The following ELAVL2 variants were observed in gnomAD, a reference collection of about 807,000 sequenced individuals.
ELAVL2 encodes the protein ELAV like RNA binding protein 2.
A neutral mutation model predicts 34.6 loss-of-function variants in ELAVL2; 4 were observed. That is an observed-to-expected ratio of 0.12 (90% CI 0.06 to 0.26). The LOEUF (loss-of-function observed/expected upper bound fraction) is 0.26. Among genes scored for constraint, ELAVL2 ranks in the 10% least tolerant of loss-of-function variants. The probability of loss-of-function intolerance (pLI) is 1.00; values close to 1 mark genes in which losing one functional copy is unlikely to be tolerated. For missense variants in ELAVL2, 432 were observed against 442.8 expected (o/e 0.98, Z 0.22); for synonymous variants, 193 against 154.8 (o/e 1.25, Z -1.83).
intron 2 of ELAVL2, among the ~76,000 whole-genome samples, chr9:23,759,756 ATAT>A (rs1656556130): frequency 1.7e-5 from 1 of 58,210 alleles, no homozygotes; most frequent in African/African-American, 9.1e-5. Context: ...ATATAGTATT[ATAT>A]ATATATATAT....
intron 1 of ELAVL2, among the ~76,000 whole-genome samples, chr9:23,810,361 G>T (rs1402351856): frequency 6.6e-6 from 1 of 151,960 alleles, no homozygotes; most frequent in East Asian, 1.9e-4. Flanking sequence ...CAAGTTGTGG[G>T]CATACTGCTA....
At chr9:23,824,485 A>G (rs887174025) in intron 1 of ELAVL2, among the ~76,000 whole-genome samples, 5 of 152,010 alleles carry the variant, frequency 3.3e-5, no homozygotes, top group Non-Finnish European at 7.4e-5. Context: ...GAGCAACGAG[A>G]CGTTAACCCC....
rs960938214 is a variant in ELAVL2 at position 23,791,389 on chromosome 9, C to G, written c.-15-29140G>C. On this transcript the variant is annotated intron_variant, in intron 1 of 6. Coordinates refer to ENST00000397312, the MANE Select transcript of ELAVL2 (RefSeq NM_004432.5). ...CTCGAGAAATTAAATACCCTTACCC[C>G]TGTTAGAGAACTGAAGTGTATCTCC... Among the ~76,000 whole-genome samples, 4 of 152,178 alleles carry G rather than the reference C, an allele frequency of 2.6e-5. No individual in the cohort carries two copies. In the East Asian group the frequency reaches 7.7e-4, roughly 29 times the overall value.
chr9:23,786,737 A>G lies in ELAVL2; in HGVS notation c.-15-24488T>C, dbSNP rs375234658. ...GAAGACATTAATGTTCAAAAAGTAT[A>G]TAAGCAGGAAACCTGCAGTAGTCTC... On this transcript the variant is annotated intron_variant, in intron 1 of 6. Transcript: ENST00000397312. Among the ~76,000 whole-genome samples, 5 of 150,106 alleles carry G rather than the reference A, an allele frequency of 3.3e-5. No individual in the cohort carries two copies. In the East Asian group the frequency reaches 8.0e-4, roughly 24 times the overall value.
At chr9:23,777,512 T>C (rs1207290924) in intron 1 of ELAVL2, among the ~76,000 whole-genome samples, 1 of 152,150 alleles carries the variant, frequency 6.6e-6, no homozygotes, top group Non-Finnish European at 1.5e-5. Flanking sequence ...ACATCCATCC[T>C]TTGTCAGGCT....
chr9:23,731,450 T>C (rs2046528837), intron 2 of ELAVL2, among the ~76,000 whole-genome samples: 1 of 152,158 alleles, frequency 6.6e-6, no homozygotes, highest in Non-Finnish European at 1.5e-5. Context: ...GATAAATCTC[T>C]GTGCTATGGA....
At chr9:23,817,703 C>A (rs574372848) in intron 1 of ELAVL2, among the ~76,000 whole-genome samples, 1 of 152,256 alleles carries the variant, frequency 6.6e-6, no homozygotes, top group African/African-American at 2.4e-5. Context: ...AAAAATTCTT[C>A]TAGCCTTACT....
chr9:23,780,352 T>C (rs1265798383), intron 1 of ELAVL2, among the ~76,000 whole-genome samples: 1 of 152,224 alleles, frequency 6.6e-6, no homozygotes, highest in Non-Finnish European at 1.5e-5. Flanking sequence ...AAAAAGTGTT[T>C]AGGGTTCCCC....
At chr9:23,772,952 C>G (rs533525585) in intron 1 of ELAVL2, among the ~76,000 whole-genome samples, 6 of 152,202 alleles carry the variant, frequency 3.9e-5, no homozygotes, top group Admixed American at 3.9e-4. Flanking sequence ...TCTTGCTCCC[C>G]CAAAGACAGC....
intron 2 of ELAVL2, among the ~76,000 whole-genome samples, chr9:23,755,234 A>G (rs1473765): frequency 0.031 from 4,668 of 152,262 alleles, 90 homozygotes; most frequent in East Asian, 0.085. Context: ...TGTTTTTCCT[A>G]ACAATGATAA....
chr9:23,795,458 G>C (rs140932120), intron 1 of ELAVL2, among the ~76,000 whole-genome samples: 2 of 152,108 alleles, frequency 1.3e-5, no homozygotes, highest in African/African-American at 4.8e-5. Flanking sequence ...CAGGAGAATC[G>C]CTTGAACCTG....
the ELAVL2 span, among the ~76,000 whole-genome samples, chr9:23,845,895 T>C: frequency 6.6e-6 from 1 of 151,872 alleles, no homozygotes; most frequent in Non-Finnish European, 1.5e-5. Flanking sequence ...AGTGCTATCA[T>C]TTCTTCTCAG....
At chr9:23,768,108 T>C (rs948474677) in intron 1 of ELAVL2, among the ~76,000 whole-genome samples, 1 of 152,194 alleles carries the variant, frequency 6.6e-6, no homozygotes, top group Admixed American at 6.5e-5. Flanking sequence ...GTAGACTTTC[T>C]AAACCCTCCC....
chr9:23,776,957 G>A (rs185495753), intron 1 of ELAVL2, among the ~76,000 whole-genome samples: 107 of 152,214 alleles, frequency 7.0e-4, no homozygotes, highest in African/African-American at 2.6e-3. Context: ...AAATTATAAA[G>A]AAGAGCAGGC....
chr9:23,809,796 T>C (rs1238799219), intron 1 of ELAVL2, among the ~76,000 whole-genome samples: 1 of 152,184 alleles, frequency 6.6e-6, no homozygotes, highest in Non-Finnish European at 1.5e-5. Context: ...TTTGAATCTG[T>C]AATTCTTTGT....
At chr9:23,818,156 G>C (rs1041086610) in intron 1 of ELAVL2, among the ~76,000 whole-genome samples, 1 of 152,138 alleles carries the variant, frequency 6.6e-6, no homozygotes, top group Non-Finnish European at 1.5e-5. Flanking sequence ...AATGGCCAAA[G>C]CAAGAAAAAA....
chr9:23,721,584 G>GC (rs1007324567), intron 3 of ELAVL2, among the ~76,000 whole-genome samples: 2 of 152,172 alleles, frequency 1.3e-5, no homozygotes, highest in African/African-American at 4.8e-5. Context: ...GAGGAGGCAG[G>GC]CAAGTATCAG....
intron 1 of ELAVL2, among the ~76,000 whole-genome samples, chr9:23,823,273 C>A (rs1405298827): frequency 6.6e-6 from 1 of 152,202 alleles, no homozygotes; most frequent in Non-Finnish European, 1.5e-5. Context: ...CGCGGGATTG[C>A]TAAAAATGCC....
intron 1 of ELAVL2, among the ~76,000 whole-genome samples, chr9:23,803,507 G>A (rs564273500): frequency 5.9e-5 from 9 of 152,092 alleles, no homozygotes; most frequent in Non-Finnish European, 8.8e-5. Context: ...GCCCTGGTGC[G>A]TTCCTCCTCA....
Sources: gnomAD v4.1 joint callset for allele counts (sites outside exome capture counted in the v4.1 genomes callset) on GRCh38, gnomAD v4.1.1 for gene constraint, MANE v1.5 for transcripts, NCBI Gene and HGNC (gene_info 2026-07-23, HGNC 2026-07-21) for gene names.